The following LIMS1 variants were observed in gnomAD, a reference collection of about 807,000 sequenced individuals.
LIMS1 encodes the protein LIM and senescent cell antigen-like-containing domain protein 1.
LIMS1 carries 18 observed loss-of-function variants against 44.1 expected under a neutral mutation model. The observed-to-expected ratio is 0.41, with a 90% confidence interval of 0.28 to 0.61. LIMS1 has a LOEUF of 0.61. Ranked by LOEUF, LIMS1 falls within the 20% of genes least tolerant of loss-of-function variation. The pLI, the probability that LIMS1 is intolerant of heterozygous loss-of-function variation, is 0.32. For synonymous variants in LIMS1, 93 were observed against 149.1 expected, an observed-to-expected ratio of 0.62 and a Z score of 2.74; for missense variants, 201 against 422.0, an observed-to-expected ratio of 0.48 and a Z score of 4.59.
intron 1 of LIMS1, among the ~76,000 whole-genome samples, chr2:108,590,751 C>T (rs570341114): frequency 6.6e-6 from 1 of 152,340 alleles, no homozygotes; most frequent in African/African-American, 2.4e-5. Context: ...CCTCCATTGC[C>T]TTTCCATCTC....
At chr2:108,542,654 C>G (rs2104571697) in intron 1 of LIMS1, among the ~76,000 whole-genome samples, 1 of 152,326 alleles carries the variant, frequency 6.6e-6, no homozygotes, top group South Asian at 2.1e-4. Flanking sequence ...CTTATATCAT[C>G]TTATTGCCAA....
At chr2:108,621,415 C>A (rs1047210248) in intron 1 of LIMS1, 5 of 1,551,040 alleles carry the variant, frequency 3.2e-6, no homozygotes, top group Non-Finnish European at 4.4e-6. Flanking sequence ...AAGACGAGAT[C>A]GCCCCGATAG....
intron 1 of LIMS1, among the ~76,000 whole-genome samples, chr2:108,636,588 G>GC (rs1689267522): frequency 6.6e-6 from 1 of 152,224 alleles, no homozygotes. Context: ...AGCAGTAACT[G>GC]CATCACCAGC....
rs79282956 is a variant in LIMS1 at position 108,605,273 on chromosome 2, G to A, written c.33-54332G>A. 4.4e-3 allele frequency among the ~76,000 whole-genome samples: 669 copies of A among 152,310 alleles called. 4 individuals carry two copies. Among genetic ancestry groups the A allele is most frequent in the South Asian group, 0.014 (68 of 4,830 alleles). ...CATGTGGTACACTGTGTCCAAAGGT[G>A]TAGGGCTGGGGACAGACTTCCCCTG... On this transcript the variant is annotated intron_variant, in intron 1 of 9. Coordinates refer to ENST00000544547, the Ensembl canonical transcript of LIMS1.
intron 1 of LIMS1, among the ~76,000 whole-genome samples, chr2:108,563,101 G>A (rs1685179474): frequency 6.6e-6 from 1 of 152,096 alleles, no homozygotes; most frequent in Non-Finnish European, 1.5e-5. Context: ...GTTGAGACCT[G>A]CTCAGAAAAA....
intron 1 of LIMS1, among the ~76,000 whole-genome samples, chr2:108,614,953 T>C (rs1412436874): frequency 6.6e-6 from 1 of 152,178 alleles, no homozygotes; most frequent in African/African-American, 2.4e-5. Context: ...ATATCGGAAC[T>C]GTTAGCTTGC....
In LIMS1 at chr2:108,611,510, T is replaced by C. The variant is rs1687600480; in HGVS notation, c.33-48095T>C. On this transcript the variant is annotated intron_variant, in intron 1 of 9. Coordinates refer to ENST00000544547, the Ensembl canonical transcript of LIMS1. ...TCTATATAGTGGTCTCATTACATTT[T>C]GAGGTATTTCACTTCTATTTTGGGA... Among the ~76,000 whole-genome samples the C allele has an allele frequency of 2.0e-5, 3 of 152,170 alleles. No homozygotes were observed. The South Asian group carries it at 6.2e-4, about 32-fold the overall frequency.
Position 108,665,163 on chromosome 2 carries a change from G to T in LIMS1, c.192+5399G>T, listed in dbSNP as rs1056969555. On this transcript the variant is annotated intron_variant, in intron 2 of 9. Transcript: ENST00000544547. ...GCACGCCCCTTAACCACAGGGAAAT[G>T]TCTGAGAAAGGTGTCATTAGGCAAG... Among the ~76,000 whole-genome samples the T allele has an allele frequency of 1.6e-4, 24 of 152,338 alleles. No homozygotes were observed. The Middle Eastern group carries it at 0.017, about 108-fold the overall frequency.
At chr2:108,680,003 T>A (rs879507686) in intron 8 of LIMS1, among the ~76,000 whole-genome samples, 2 of 151,946 alleles carry the variant, frequency 1.3e-5, no homozygotes, top group African/African-American at 2.4e-5. Context: ...GGCAGGTAGA[T>A]TGCTTGAGCC....
chr2:108,612,045 CACACACACATAT>C (rs1437983657), intron 1 of LIMS1, among the ~76,000 whole-genome samples: 2 of 89,886 alleles, frequency 2.2e-5, no homozygotes, highest in Non-Finnish European at 4.3e-5. Context: ...CACACACACA[CACACACACATAT>C]ATATATATAT....
chr2:108,579,744 G>C (rs1016788157), intron 1 of LIMS1, among the ~76,000 whole-genome samples: 1 of 152,236 alleles, frequency 6.6e-6, no homozygotes, highest in Non-Finnish European at 1.5e-5. Flanking sequence ...GCACAGCTGT[G>C]AACAGGAATC....
chr2:108,580,124 C>T (rs1685829303), intron 1 of LIMS1, among the ~76,000 whole-genome samples: 2 of 152,090 alleles, frequency 1.3e-5, no homozygotes, highest in Non-Finnish European at 2.9e-5. Flanking sequence ...TGGGGTTGCT[C>T]CCAGAATTGA....
At chr2:108,564,162 T>C (rs1685216787) in intron 1 of LIMS1, among the ~76,000 whole-genome samples, 1 of 151,830 alleles carries the variant, frequency 6.6e-6, no homozygotes, top group Non-Finnish European at 1.5e-5. Context: ...TCAGCAGTTG[T>C]CAACATCAAG....
At chr2:108,594,444 G>A (rs1270758693) in intron 1 of LIMS1, among the ~76,000 whole-genome samples, 1 of 152,174 alleles carries the variant, frequency 6.6e-6, no homozygotes, top group African/African-American at 2.4e-5. Flanking sequence ...CAGTCTGTGA[G>A]GGGGGTTTAT....
chr2:108,614,843 A>G (rs894765867), intron 1 of LIMS1, among the ~76,000 whole-genome samples: 2 of 152,162 alleles, frequency 1.3e-5, no homozygotes, highest in African/African-American at 2.4e-5. Flanking sequence ...TCATGAACCT[A>G]TACTGGGGTG....
intron 1 of LIMS1, among the ~76,000 whole-genome samples, chr2:108,637,088 AAT>A (rs1476125898): frequency 1.4e-5 from 2 of 142,988 alleles, no homozygotes; most frequent in Admixed American, 1.5e-4. Flanking sequence ...AATTCAGCAA[AAT>A]ATACATATAT....
intron 1 of LIMS1, among the ~76,000 whole-genome samples, chr2:108,554,742 C>T (rs1429839715): frequency 6.6e-6 from 1 of 152,120 alleles, no homozygotes; most frequent in Admixed American, 6.5e-5. Flanking sequence ...CATGACATGA[C>T]GCTCTCAGGA....
intron 1 of LIMS1, among the ~76,000 whole-genome samples, chr2:108,554,523 T>A (rs561269007): frequency 3.3e-5 from 5 of 152,314 alleles, no homozygotes; most frequent in African/African-American, 1.2e-4. Flanking sequence ...TGCAAGAGAT[T>A]TATAACAGCT....
exon 10 of LIMS1, chr2:108,684,052 G>A (rs1693182889): frequency 2.2e-6 from 2 of 892,382 alleles, no homozygotes; most frequent in Non-Finnish European, 3.6e-6. Flanking sequence ...AACATTACTT[G>A]TCTTGATCTA....
Sources: gnomAD v4.1 joint callset for allele counts (sites outside exome capture counted in the v4.1 genomes callset) on GRCh38, gnomAD v4.1.1 for gene constraint, MANE v1.5 for transcripts, NCBI Gene and HGNC (gene_info 2026-07-23, HGNC 2026-07-21) for gene names.